GABRB2: variants seen among roughly 807,000 people sequenced by gnomAD.
The protein encoded by GABRB2 is gamma-aminobutyric acid type A receptor subunit beta2, also known as gamma-aminobutyric acid receptor subunit beta-2.
GABRB2 carries 16 observed loss-of-function variants against 54.7 expected under a neutral mutation model. The observed-to-expected ratio is 0.29, with a 90% CI of 0.20 to 0.44. GABRB2 has a LOEUF of 0.44. Among genes scored for constraint, GABRB2 ranks in the 20% least tolerant of loss-of-function variants. GABRB2 has a pLI of 1.00. For synonymous variants in GABRB2, 244 were observed against 233.8 expected (o/e 1.04, Z -0.40); for missense variants, 355 against 644.0 (o/e 0.55, Z 4.86).
At chr5:161,404,105 T>C (rs2113091191) in intron 5 of GABRB2, among the ~76,000 whole-genome samples, 1 of 152,242 alleles carries the variant, frequency 6.6e-6, no homozygotes, top group African/African-American at 2.4e-5. Flanking sequence ...CACGTCAAGG[T>C]CAGAAATATC....
intron 5 of GABRB2, among the ~76,000 whole-genome samples, chr5:161,354,553 C>T (rs540957282): frequency 3.3e-5 from 5 of 152,126 alleles, no homozygotes; most frequent in African/African-American, 1.2e-4. Context: ...CAGACCATGA[C>T]TACATCATCT....
chr5:161,472,409 A>AACAC (rs556611564), intron 3 of GABRB2, among the ~76,000 whole-genome samples: 1 of 150,666 alleles, frequency 6.6e-6, no homozygotes, highest in Non-Finnish European at 1.5e-5. Context: ...TTCCCTCCAA[A>AACAC]ACACACACAC....
chr5:161,347,036 T>C (rs2113426738), intron 5 of GABRB2, among the ~76,000 whole-genome samples: 1 of 152,180 alleles, frequency 6.6e-6, no homozygotes, highest in African/African-American at 2.4e-5. Flanking sequence ...CATGTAGACA[T>C]ATATGCACAG....
chr5:161,410,513 A>G (rs1165985097), intron 5 of GABRB2, among the ~76,000 whole-genome samples: 1 of 152,158 alleles, frequency 6.6e-6, no homozygotes, highest in Non-Finnish European at 1.5e-5. Context: ...AAAACATTCT[A>G]TAAAACCTTA....
chr5:161,404,841 A>T (rs1756299916), intron 5 of GABRB2, among the ~76,000 whole-genome samples: 1 of 152,040 alleles, frequency 6.6e-6, no homozygotes, highest in African/African-American at 2.4e-5. Flanking sequence ...TTGTCCTTTA[A>T]CTCAAGTCCT....
chr5:161,463,576 T>TATATATATATAG (rs1561659565), intron 3 of GABRB2, among the ~76,000 whole-genome samples: 4 of 122,784 alleles, frequency 3.3e-5, no homozygotes, highest in Non-Finnish European at 5.2e-5. Context: ...TATATATATA[T>TATATATATATAG]ATATATATAT....
intron 3 of GABRB2, among the ~76,000 whole-genome samples, chr5:161,462,663 G>A (rs939109765): frequency 2.0e-5 from 3 of 152,140 alleles, no homozygotes; most frequent in African/African-American, 7.2e-5. Flanking sequence ...GTGAGACCCT[G>A]CATTACATGC....
At chr5:161,524,875 A>G (rs1202056748) in intron 3 of GABRB2, among the ~76,000 whole-genome samples, 2 of 151,360 alleles carry the variant, frequency 1.3e-5, no homozygotes, top group Non-Finnish European at 3.0e-5. Flanking sequence ...TTTCAACACA[A>G]TTCTTATTTA....
chr5:161,418,658 A>G (rs774746420), intron 4 of GABRB2, among the ~76,000 whole-genome samples: 9 of 152,224 alleles, frequency 5.9e-5, no homozygotes, highest in Non-Finnish European at 1.0e-4. Context: ...ATTTAATTAA[A>G]CCAAAGGGCT....
chr5:161,425,874 T>A (rs1165679097), intron 4 of GABRB2, among the ~76,000 whole-genome samples: 1 of 152,134 alleles, frequency 6.6e-6, no homozygotes, highest in Admixed American at 6.6e-5. Flanking sequence ...GTGATGAGGA[T>A]GTGAATAAAC....
chr5:161,434,061 A>G (rs922503734), intron 4 of GABRB2, among the ~76,000 whole-genome samples: 1 of 152,166 alleles, frequency 6.6e-6, no homozygotes, highest in Non-Finnish European at 1.5e-5. Context: ...ATTTTCAAAG[A>G]AAAAGCACCA....
chr5:161,404,658 C>G (rs969555538), intron 5 of GABRB2, among the ~76,000 whole-genome samples: 4 of 152,104 alleles, frequency 2.6e-5, no homozygotes, highest in Admixed American at 6.6e-5. Context: ...TGAGGAAAAT[C>G]TGAGAGAAGA....
intron 3 of GABRB2, among the ~76,000 whole-genome samples, chr5:161,502,028 T>C (rs1387056782): frequency 6.7e-6 from 1 of 149,160 alleles, no homozygotes; most frequent in Admixed American, 6.7e-5. Context: ...TTTATTCTTA[T>C]ATGGTATATA....
At chr5:161,410,279 A>G (rs1406288425) in intron 5 of GABRB2, among the ~76,000 whole-genome samples, 1 of 152,062 alleles carries the variant, frequency 6.6e-6, no homozygotes, top group Non-Finnish European at 1.5e-5. Context: ...TAAAATCACC[A>G]TTTTAGCCCA....
chr5:161,421,951 G>A (rs755999910), intron 4 of GABRB2, among the ~76,000 whole-genome samples: 4 of 152,090 alleles, frequency 2.6e-5, no homozygotes, highest in Admixed American at 6.6e-5. Flanking sequence ...ATATGTATTA[G>A]AAATAAAACT....
intron 4 of GABRB2, among the ~76,000 whole-genome samples, chr5:161,451,979 T>G (rs948395217): frequency 2.0e-5 from 3 of 152,178 alleles, no homozygotes; most frequent in Non-Finnish European, 1.5e-5. Context: ...AAGATTTTAC[T>G]GTGTTTGTTG....
intron 5 of GABRB2, among the ~76,000 whole-genome samples, chr5:161,406,760 T>C (rs985898233): frequency 1.6e-4 from 24 of 152,244 alleles, no homozygotes; most frequent in Admixed American, 5.2e-4. Flanking sequence ...TTTCTGATGC[T>C]GTCACAAAGG....
chr5:161,545,286 CG>C lies in GABRB2; in HGVS notation c.177del (p.Val60TrpfsTer5). The C allele has an allele frequency of 3.1e-6, 5 of 1,599,992 alleles. No individual in the cohort carries two copies. Among genetic ancestry groups the C allele is most frequent in the South Asian group, 1.1e-5 (1 of 88,982 alleles). On this transcript the variant is annotated frameshift_variant, in exon 3 of 10. Coordinates refer to ENST00000393959, the MANE Select transcript of GABRB2 (RefSeq NM_001371727.1). LOFTEE classifies it high-confidence loss of function. ...IRLRPDFGGP[P>X]VAVGMNIDIA... Reference sequence around the variant, plus strand: ...ATGTCAATGTTCATCCCCACAGCCACGGGGGGACCTGCAAAGCAAGACGGCC... The same window carrying C: ...ATGTCAATGTTCATCCCCACAGCCACGGGGGACCTGCAAAGCAAGACGGCC...
chr5:161,374,656 C>T (rs1364122270), intron 5 of GABRB2, among the ~76,000 whole-genome samples: 1 of 152,176 alleles, frequency 6.6e-6, no homozygotes, highest in African/African-American at 2.4e-5. Context: ...GACTCAATAC[C>T]TAACTTCCTT....
Sources: gnomAD v4.1 joint callset for allele counts (sites outside exome capture counted in the v4.1 genomes callset) on GRCh38, gnomAD v4.1.1 for gene constraint, MANE v1.5 for transcripts, NCBI Gene and HGNC (gene_info 2026-07-23, HGNC 2026-07-21) for gene names.